Variants in PBX4 observed in about 807,000 individuals in gnomAD.
PBX4 encodes the protein pre-B-cell leukemia transcription factor 4.
In PBX4, 26 loss-of-function variants were observed where a neutral mutation model predicts 35.1. That is an observed-to-expected ratio of 0.74 (90% CI 0.54 to 1.03). The LOEUF is 1.03. Among genes scored for constraint, PBX4 ranks in the 50% least tolerant of loss-of-function variants. The pLI is 0.00. For synonymous variants in PBX4, 199 were observed against 204.2 expected, an observed-to-expected ratio of 0.97 and a Z score of 0.22; for missense variants, 448 against 504.3, an observed-to-expected ratio of 0.89 and a Z score of 1.07.
intron 2 of PBX4, among the ~76,000 whole-genome samples, chr19:19,590,999 T>C (rs936858520): frequency 1.3e-5 from 2 of 152,122 alleles, no homozygotes; most frequent in African/African-American, 4.8e-5. Context: ...TTTTAATTAA[T>C]TCAAATGTAA....
At chr19:19,589,774 G>GA (rs2061515211) in intron 2 of PBX4, among the ~76,000 whole-genome samples, 1 of 151,890 alleles carries the variant, frequency 6.6e-6, no homozygotes, top group African/African-American at 2.4e-5. Context: ...CATCTCAAAA[G>GA]AAAAAAAGAA....
At chr19:19,573,476 C>T (rs2061399842) in intron 2 of PBX4, among the ~76,000 whole-genome samples, 1 of 152,072 alleles carries the variant, frequency 6.6e-6, no homozygotes, top group South Asian at 2.1e-4. Context: ...TCCACACACC[C>T]TGTTAAACTT....
intron 1 of PBX4, among the ~76,000 whole-genome samples, chr19:19,599,860 TTA>T (rs1344713800): frequency 7.0e-6 from 1 of 143,648 alleles, no homozygotes; most frequent in Non-Finnish European, 1.6e-5. Flanking sequence ...GTAATCCCAG[TTA>T]CTCAGGAGGC....
intron 2 of PBX4, among the ~76,000 whole-genome samples, chr19:19,585,970 G>A (rs541703115): frequency 2.6e-5 from 4 of 152,218 alleles, no homozygotes; most frequent in Non-Finnish European, 4.4e-5. Flanking sequence ...TCACACGGAC[G>A]CGTGAGAAAT....
At chr19:19,616,867 A>G (rs577493390) in intron 1 of PBX4, among the ~76,000 whole-genome samples, 1 of 151,974 alleles carries the variant, frequency 6.6e-6, no homozygotes, top group Admixed American at 6.6e-5. Flanking sequence ...TATTTTTGGT[A>G]GAGACTGGGT....
At chr19:19,615,209 T>C (rs35209041) in intron 1 of PBX4, among the ~76,000 whole-genome samples, 27,853 of 140,788 alleles carry the variant, frequency 0.2, 3,285 homozygotes, top group East Asian at 0.3. Context: ...TAGCCAGGCG[T>C]GGTGGCACAG....
At chr19:19,599,424 A>G in intron 1 of PBX4, 59 bp from the exon 2 acceptor site, 1 of 1,435,572 alleles carries the variant, frequency 7.0e-7, no homozygotes, top group Non-Finnish European at 9.8e-7. Flanking sequence ...CTTGTCCCCA[A>G]GAGTAAAGAT....
At chr19:19,572,266 G>A (rs1467765910) in intron 2 of PBX4, among the ~76,000 whole-genome samples, 4 of 151,128 alleles carry the variant, frequency 2.6e-5, no homozygotes, top group African/African-American at 7.3e-5. Context: ...GTAGAGACAA[G>A]GTTTCACTAT....
At chr19:19,582,832 G>A (rs1233619482) in intron 2 of PBX4, among the ~76,000 whole-genome samples, 1 of 152,260 alleles carries the variant, frequency 6.6e-6, no homozygotes, top group Non-Finnish European at 1.5e-5. Flanking sequence ...CGCTGCTGCT[G>A]TGGGGTTGGA....
intron 2 of PBX4, among the ~76,000 whole-genome samples, chr19:19,598,295 T>TC (rs1489833404): frequency 2.2e-5 from 3 of 135,574 alleles, no homozygotes; most frequent in South Asian, 2.4e-4. Context: ...TTCTTTTCTT[T>TC]CCTTTTTTTT....
intron 1 of PBX4, among the ~76,000 whole-genome samples, chr19:19,611,308 T>C (rs1351035888): frequency 1.3e-5 from 2 of 152,118 alleles, no homozygotes; most frequent in Non-Finnish European, 2.9e-5. Context: ...CTAGGCAAAG[T>C]CAATCTGCAG....
chr19:19,598,309 T>C (rs1172736201), intron 2 of PBX4, among the ~76,000 whole-genome samples: 1 of 150,002 alleles, frequency 6.7e-6, no homozygotes, highest in East Asian at 1.9e-4. Flanking sequence ...TTTTTTTTTT[T>C]TTTTTGAGAC....
Position 19,563,586 on chromosome 19 carries a change from CGCTGGGCAGCGGGAAGGGTCCAGAGG to C in PBX4, c.929_954del (p.Ser310CysfsTer30). On this transcript the variant is annotated frameshift_variant, in exon 7 of 8. Transcript: ENST00000251203. LOFTEE classifies it high-confidence loss of function. The surrounding 1 kb of genome is among the most constrained non-coding windows in gnomAD (Gnocchi z 5.1). ...CGCAGGGTGAGGAAGGCGTCCCCAG[CGCTGGGCAGCGGGAAGGGTCCAGAGG>C]AGCCTGGAAGAGATGGGAGCCGGGG... The C allele has an allele frequency of 1.9e-6, 3 of 1,550,028 alleles. No homozygotes were observed. The highest frequency in any genetic ancestry group is 2.6e-6 in the Non-Finnish European group (3 of 1,147,014).
rs753758616 is a variant in PBX4 at position 19,618,552 on chromosome 19, G to A, written c.78C>T (p.Ile26=). 2.8e-6 allele frequency: 4 copies of A among 1,449,618 alleles called. No individual in the cohort carries two copies. Among genetic ancestry groups the A allele is most frequent in the Non-Finnish European group, 2.7e-6 (3 of 1,095,506 alleles). 89.8% of individuals were successfully genotyped at this position (1,449,618 alleles called of 1,614,324 possible). ...RLDTSDVLQQ[I]MAITDQSLDE... is the part of the protein sequence containing the mutation. ...CCAGGCTCTGGTCGGTGATGGCCAT[G>A]ATCTGCTGCAGGACGTCGCTCGTGT... The change falls in exon 1 of 8, where the codon ATC becomes ATT. Residue 26 remains isoleucine, a synonymous_variant. Transcript: ENST00000251203.
At chr19:19,598,297 C>CTTT (rs34977299) in intron 2 of PBX4, among the ~76,000 whole-genome samples, 18 of 129,244 alleles carry the variant, frequency 1.4e-4, no homozygotes, top group Admixed American at 2.5e-4. Context: ...CTTTTCTTTC[C>CTTT]TTTTTTTTTT....
intron 2 of PBX4, among the ~76,000 whole-genome samples, chr19:19,584,622 G>GTT (rs1491541483): frequency 2.8e-4 from 42 of 149,470 alleles, no homozygotes; most frequent in South Asian, 1.1e-3. Context: ...ACCAAGGGCT[G>GTT]GTTTTTTTTT....
At chr19:19,599,233 C>T in intron 2 of PBX4, 59 bp downstream of exon 2, 1 of 1,436,716 alleles carries the variant, frequency 7.0e-7, no homozygotes, top group Non-Finnish European at 9.7e-7. Flanking sequence ...TCCCAATGTG[C>T]TGGGATTACA....
At chr19:19,606,192 T>C (rs544755677) in intron 1 of PBX4, among the ~76,000 whole-genome samples, 2 of 152,332 alleles carry the variant, frequency 1.3e-5, no homozygotes, top group East Asian at 3.9e-4. Context: ...CCAAAGGTGA[T>C]GGTATCATCT....
intron 1 of PBX4, among the ~76,000 whole-genome samples, chr19:19,614,510 C>A (rs2061678556): frequency 6.6e-6 from 1 of 151,682 alleles, no homozygotes; most frequent in East Asian, 1.9e-4. Context: ...TGGTGCACAC[C>A]TGTAATCCCA....
Sources: allele counts gnomAD v4.1 joint callset (sites outside exome capture counted in the v4.1 genomes callset), GRCh38; gene constraint gnomAD v4.1.1; non-coding constraint Gnocchi (gnomAD v3.1); transcripts MANE v1.5; gene names NCBI Gene and HGNC (gene_info 2026-07-23, HGNC 2026-07-21).